GPR176: variants seen among roughly 807,000 people sequenced by gnomAD.
GPR176 encodes the protein G protein-coupled receptor 176, also known as G-protein coupled receptor 176.
Under a neutral mutation model 35.4 loss-of-function variants are expected in GPR176, and 26 were observed. The observed-to-expected ratio is 0.74, with a 90% CI of 0.54 to 1.02. The LOEUF (loss-of-function observed/expected upper bound fraction) is 1.02, where lower values mean the gene tolerates loss of function less well. GPR176 is among the 50% of genes least tolerant of loss of function. GPR176 has a pLI of 0.00. For synonymous variants in GPR176, 278 were observed against 271.3 expected, an observed-to-expected ratio of 1.02 and a Z score of -0.24; for missense variants, 597 against 665.3, an observed-to-expected ratio of 0.90 and a Z score of 1.13.
chr15:39,812,876 T>C (rs1356399161), intron 1 of GPR176, among the ~76,000 whole-genome samples: 2 of 152,034 alleles, frequency 1.3e-5, no homozygotes, highest in Admixed American at 6.6e-5. Flanking sequence ...CCCAAGTAGC[T>C]GGGACTACTG....
At chr15:39,906,896 A>G (rs1398364407) in intron 1 of GPR176, among the ~76,000 whole-genome samples, 2 of 152,346 alleles carry the variant, frequency 1.3e-5, no homozygotes, top group East Asian at 1.9e-4. Context: ...GCACTGTTCT[A>G]AATATTGGGG....
At chr15:39,819,635 T>G (rs143078140) in intron 1 of GPR176, among the ~76,000 whole-genome samples, 2 of 152,330 alleles carry the variant, frequency 1.3e-5, no homozygotes, top group African/African-American at 4.8e-5. Context: ...GAGAGATGTA[T>G]TCAACAATGA....
At chr15:39,845,131 G>A (rs191064576) in intron 1 of GPR176, among the ~76,000 whole-genome samples, 151 of 152,184 alleles carry the variant, frequency 9.9e-4, no homozygotes, top group African/African-American at 3.6e-3. Context: ...CTCACTGAGA[G>A]GCTATTCCTA....
chr15:39,842,295 G>C (rs1202242014), intron 1 of GPR176, among the ~76,000 whole-genome samples: 1 of 152,134 alleles, frequency 6.6e-6, no homozygotes, highest in Non-Finnish European at 1.5e-5. Context: ...AAGAGAGAGT[G>C]AAGTGGGGAG....
chr15:39,863,902 C>A (rs1029330105), intron 1 of GPR176, among the ~76,000 whole-genome samples: 3 of 151,988 alleles, frequency 2.0e-5, no homozygotes, highest in African/African-American at 4.8e-5. Flanking sequence ...AAATGTATCC[C>A]CATGGTTAAG....
chr15:39,887,593 T>C (rs908913239), intron 1 of GPR176, among the ~76,000 whole-genome samples: 1 of 53,578 alleles, frequency 1.9e-5, no homozygotes, highest in African/African-American at 5.9e-5. Flanking sequence ...ACAGTTAATT[T>C]AAATTTAAAA....
intron 1 of GPR176, among the ~76,000 whole-genome samples, chr15:39,834,616 C>T (rs1220938741): frequency 1.3e-5 from 2 of 152,092 alleles, no homozygotes; most frequent in Non-Finnish European, 2.9e-5. Context: ...AGAAGGAGAT[C>T]CTATCATTTG....
At chr15:39,872,397 C>G (rs1186701959) in intron 1 of GPR176, among the ~76,000 whole-genome samples, 1 of 152,132 alleles carries the variant, frequency 6.6e-6, no homozygotes, top group Non-Finnish European at 1.5e-5. Context: ...CAACTGGATA[C>G]AGCAGGACAT....
chr15:39,803,267 ACTT>A (rs1898995764), intron 2 of GPR176, among the ~76,000 whole-genome samples: 1 of 121,860 alleles, frequency 8.2e-6, no homozygotes, highest in Admixed American at 8.9e-5. Context: ...GATAACAAGT[ACTT>A]CTTTTTTTTT....
intron 1 of GPR176, among the ~76,000 whole-genome samples, chr15:39,808,685 G>T (rs528570806): frequency 6.6e-6 from 1 of 152,226 alleles, no homozygotes; most frequent in South Asian, 2.1e-4. Context: ...TCCATGCCTA[G>T]CTCAGTATCT....
At chr15:39,914,146 T>A (rs900126168) in intron 1 of GPR176, among the ~76,000 whole-genome samples, 1 of 152,204 alleles carries the variant, frequency 6.6e-6, no homozygotes, top group Non-Finnish European at 1.5e-5. Context: ...AAGCTTTTTT[T>A]AAATTTTCAC....
At chr15:39,826,304 A>T (rs532417892) in intron 1 of GPR176, among the ~76,000 whole-genome samples, 2 of 152,296 alleles carry the variant, frequency 1.3e-5, no homozygotes, top group East Asian at 3.9e-4. Flanking sequence ...GTAGAAATGG[A>T]AAGTCACTTC....
At chr15:39,848,720 C>T (rs950700952) in intron 1 of GPR176, among the ~76,000 whole-genome samples, 1 of 151,614 alleles carries the variant, frequency 6.6e-6, no homozygotes, top group Admixed American at 6.6e-5. Flanking sequence ...TATTCATGCG[C>T]TGAAAAGGTG....
At chr15:39,870,355 C>T (rs185958936) in intron 1 of GPR176, among the ~76,000 whole-genome samples, 153 of 152,160 alleles carry the variant, frequency 1.0e-3, no homozygotes, top group African/African-American at 3.6e-3. Context: ...ATCTTGGGGG[C>T]CTACTACAGG....
rs1352899846 is a variant in GPR176, at chr15:39,807,222, G to C, written c.209C>G (p.Thr70Ser). ...FMVLWSTCRT[T>S]VFKSVTNRFI... is the part of the protein sequence containing the mutation. ...CCTGTTGGTGACAGATTTGAACACG[G>C]TTGTGCGGCAAGTTGACCATAACAC... is the stretch of plus-strand genomic sequence containing the variant. The change falls in exon 2 of 3, where the codon ACC (threonine) becomes AGC (serine). Residue 70 changes from threonine to serine, a missense_variant. Thr to Ser is a moderately conservative substitution (Grantham distance 58). Transcript: ENST00000561100. 1 of 1,608,360 alleles carries C rather than the reference G, an allele frequency of 6.2e-7. No homozygotes were observed. The highest frequency in any genetic ancestry group is 1.7e-5 in the Admixed American group (1 of 58,672).
At chr15:39,825,786 G>A (rs1900599341) in intron 1 of GPR176, among the ~76,000 whole-genome samples, 1 of 152,134 alleles carries the variant, frequency 6.6e-6, no homozygotes, top group African/African-American at 2.4e-5. Flanking sequence ...ACTGATTTTT[G>A]CCAATCAGTG....
chr15:39,849,404 A>T (rs1319700642), intron 1 of GPR176, among the ~76,000 whole-genome samples: 3 of 152,160 alleles, frequency 2.0e-5, no homozygotes, highest in Non-Finnish European at 4.4e-5. Flanking sequence ...TCTTCCAAAA[A>T]ACAGAAGAGA....
intron 1 of GPR176, among the ~76,000 whole-genome samples, chr15:39,819,685 G>A (rs1181118300): frequency 6.6e-6 from 1 of 152,154 alleles, no homozygotes; most frequent in Admixed American, 6.5e-5. Flanking sequence ...TGAACGTACA[G>A]GGAATACTCA....
chr15:39,854,881 T>C (rs981187591), intron 1 of GPR176, among the ~76,000 whole-genome samples: 87 of 151,826 alleles, frequency 5.7e-4, no homozygotes, highest in African/African-American at 2.1e-3. Context: ...ACCACACCCC[T>C]AGTCTCTAAA....
Sources: allele counts gnomAD v4.1 joint callset (sites outside exome capture counted in the v4.1 genomes callset), GRCh38; gene constraint gnomAD v4.1.1; transcripts MANE v1.5; gene names NCBI Gene and HGNC (gene_info 2026-07-23, HGNC 2026-07-21).